Variants in SEC23A observed in about 807,000 individuals in gnomAD.
The protein encoded by SEC23A is SEC23 homolog A, COPII component, also known as protein transport protein Sec23A.
A neutral mutation model predicts 103.7 loss-of-function variants in SEC23A; 56 were observed. That is an observed-to-expected ratio of 0.54 (90% confidence interval 0.44 to 0.67). The LOEUF (loss-of-function observed/expected upper bound fraction) is 0.67, where lower values mean the gene tolerates loss of function less well. Ranked by LOEUF, SEC23A falls within the 30% of genes least tolerant of loss-of-function variation. The probability of loss-of-function intolerance (pLI) is 0.00; values close to 1 mark genes in which losing one functional copy is unlikely to be tolerated. For synonymous variants in SEC23A, 281 were observed against 293.0 expected (o/e 0.96, Z 0.42); for missense variants, 784 against 936.4 (o/e 0.84, Z 2.12).
At chr14:39,052,625 AT>A (rs1886105233) in intron 14 of SEC23A, among the ~76,000 whole-genome samples, 1 of 152,238 alleles carries the variant, frequency 6.6e-6, no homozygotes, top group South Asian at 2.1e-4. Flanking sequence ...AATCACAGCC[AT>A]TTGACAAGCA....
intron 16 of SEC23A, among the ~76,000 whole-genome samples, chr14:39,043,712 GGTGA>G (rs1050930159): frequency 2.0e-5 from 3 of 152,204 alleles, no homozygotes; most frequent in South Asian, 4.1e-4. Context: ...GAGAAAGAAC[GGTGA>G]GTGAGTAAGA....
chr14:39,063,721 G>A (rs560019571), intron 11 of SEC23A, among the ~76,000 whole-genome samples: 1 of 152,192 alleles, frequency 6.6e-6, no homozygotes, highest in East Asian at 1.9e-4. Context: ...ATTTGGCCAG[G>A]GGCGGTGGCT....
At chr14:39,075,011 G>T (rs1886966273) in intron 8 of SEC23A, among the ~76,000 whole-genome samples, 1 of 152,148 alleles carries the variant, frequency 6.6e-6, no homozygotes, top group Admixed American at 6.5e-5. Flanking sequence ...GGAGGCTGAG[G>T]CAGGAGAATG....
chr14:39,069,177 T>C, intron 9 of SEC23A, among the ~76,000 whole-genome samples: 1 of 152,188 alleles, frequency 6.6e-6, no homozygotes, highest in East Asian at 1.9e-4. Context: ...TCCAAATATA[T>C]CCAAAATCCA....
At position 39,048,794 on chromosome 14, in the gene SEC23A, A is replaced by C. The variant is rs1594441853; in HGVS notation, c.1660-65T>G. On this transcript the variant is annotated intron_variant, in intron 14 of 19. Coordinates refer to ENST00000307712, the MANE Select transcript of SEC23A (RefSeq NM_006364.4). Reference sequence around the variant, plus strand: ...ATAAAAGCTAACACTGTTGCCTATAAATATTCTATTTACAAGAAGTTACCA... The same window carrying C: ...ATAAAAGCTAACACTGTTGCCTATACATATTCTATTTACAAGAAGTTACCA... 8 of 852,342 alleles carry C rather than the reference A, an allele frequency of 9.4e-6. No homozygotes were observed. The East Asian group carries it at 2.0e-4, about 21-fold the overall frequency. 52.8% of individuals were successfully genotyped at this position (852,342 alleles called of 1,614,324 possible).
At chr14:39,047,345 CA>C (rs2139197358) in intron 15 of SEC23A, 1 of 1,265,788 alleles carries the variant, frequency 7.9e-7, no homozygotes, top group African/African-American at 1.5e-5. Context: ...ACAAAAATGA[CA>C]AAACAAAGAA....
chr14:39,081,680 T>C (rs1887230167), intron 7 of SEC23A, among the ~76,000 whole-genome samples: 1 of 152,130 alleles, frequency 6.6e-6, no homozygotes, highest in South Asian at 2.1e-4. Context: ...GTTACAAATA[T>C]GGAAAAGTGG....
chr14:39,099,565 T>A (rs970524856), intron 1 of SEC23A, among the ~76,000 whole-genome samples: 1 of 152,204 alleles, frequency 6.6e-6, no homozygotes, highest in Non-Finnish European at 1.5e-5. Context: ...ATTTGTTTGA[T>A]AGTATATAAC....
At chr14:39,050,266 T>C (rs1238318855) in intron 14 of SEC23A, among the ~76,000 whole-genome samples, 2 of 152,162 alleles carry the variant, frequency 1.3e-5, no homozygotes, top group African/African-American at 2.4e-5. Context: ...CAGTAATGAT[T>C]TTCCTGAGGA....
Position 39,045,138 on chromosome 14 carries a change from A to G in SEC23A, c.1899+25T>C, listed in dbSNP as rs745709699. The G allele has an allele frequency of 5.0e-6, 8 of 1,608,526 alleles. 1 individual carries two copies. The East Asian group carries it at 1.8e-4, about 36-fold the overall frequency. Reference sequence around the variant, plus strand: ...GCCACACATTGCAGTAACAAGACCAATTTATTTTTTTCTGTCCCTCTTACC... The same window carrying G: ...GCCACACATTGCAGTAACAAGACCAGTTTATTTTTTTCTGTCCCTCTTACC... On this transcript the variant is annotated intron_variant, in intron 16 of 19. Transcript: ENST00000307712.
intron 7 of SEC23A, among the ~76,000 whole-genome samples, chr14:39,079,065 G>A (rs769855115): frequency 7.2e-5 from 11 of 152,034 alleles, no homozygotes; most frequent in Non-Finnish European, 8.8e-5. Flanking sequence ...AAAAAAGAAC[G>A]AGACTACATC....
At chr14:39,061,229 A>C (rs1384358794) in intron 13 of SEC23A, among the ~76,000 whole-genome samples, 1 of 152,202 alleles carries the variant, frequency 6.6e-6, no homozygotes, top group Non-Finnish European at 1.5e-5. Context: ...AGACAATGTG[A>C]GGATGACTCT....
chr14:39,036,155 C>T (rs937921689), intron 19 of SEC23A, among the ~76,000 whole-genome samples: 6 of 151,652 alleles, frequency 4.0e-5, no homozygotes, highest in Non-Finnish European at 8.8e-5. Flanking sequence ...TCCATCTCTA[C>T]TAAAAATACC....
At chr14:39,056,614 A>T (rs1886261323) in intron 13 of SEC23A, among the ~76,000 whole-genome samples, 1 of 151,676 alleles carries the variant, frequency 6.6e-6, no homozygotes, top group South Asian at 2.1e-4. Context: ...AGCCAGAACT[A>T]CAGGCTCCGG....
chr14:39,037,694 G>A (rs896941259), intron 19 of SEC23A, among the ~76,000 whole-genome samples: 1 of 152,010 alleles, frequency 6.6e-6, no homozygotes, highest in Non-Finnish European at 1.5e-5. Context: ...TCTGATATAT[G>A]ATCTATATTC....
intron 1 of SEC23A, among the ~76,000 whole-genome samples, chr14:39,098,198 G>A (rs941761548): frequency 1.3e-5 from 2 of 152,066 alleles, no homozygotes; most frequent in African/African-American, 4.8e-5. Context: ...ACAAAGGTGT[G>A]GGATATTCAG....
At position 39,055,148 on chromosome 14, in the gene SEC23A, G is replaced by A. The variant is rs368022154; in HGVS notation, c.1654C>T (p.Arg552Ter). The A allele has an allele frequency of 9.3e-6, 15 of 1,613,948 alleles. No homozygotes were observed. Among genetic ancestry groups the A allele is most frequent in the South Asian group, 2.2e-5 (2 of 91,078 alleles). The change falls in exon 14 of 20, where the codon CGA becomes TGA. Residue 552 changes from arginine (R) to a stop codon, truncating the protein, a stop_gained. Coordinates refer to ENST00000307712, the MANE Select transcript of SEC23A (RefSeq NM_006364.4). LOFTEE classifies it high-confidence loss of function. ...VLRWLDRQLI[R>*]LCQKFGEYHK... ...GCACAGTGTTTATTTCTTACCAGTC[G>A]AATGAGCTGTCTGTCCAGCCACCTA...
At chr14:39,051,694 T>C (rs1594444709) in intron 14 of SEC23A, among the ~76,000 whole-genome samples, 1 of 152,124 alleles carries the variant, frequency 6.6e-6, no homozygotes. Context: ...CCGGGCGTGG[T>C]GGTTCATACC....
At chr14:39,058,676 C>T (rs1207774449) in intron 13 of SEC23A, among the ~76,000 whole-genome samples, 6 of 152,198 alleles carry the variant, frequency 3.9e-5, no homozygotes, top group South Asian at 2.1e-4. Context: ...ATGGTTGAAA[C>T]GTGTGAATTA....
Sources: allele counts gnomAD v4.1 joint callset (sites outside exome capture counted in the v4.1 genomes callset), GRCh38; gene constraint gnomAD v4.1.1; transcripts MANE v1.5; gene names NCBI Gene and HGNC (gene_info 2026-07-23, HGNC 2026-07-21).